ADD3: variants seen among roughly 807,000 people sequenced by gnomAD.
The protein encoded by ADD3 is gamma-adducin.
Under a neutral mutation model 80.2 loss-of-function variants are expected in ADD3, and 25 were observed. The ratio of observed to expected loss-of-function variants is 0.31; its 90% CI spans 0.23 to 0.44. ADD3 has a LOEUF of 0.44. ADD3 is among the 20% of genes least tolerant of loss of function. The pLI is 1.00. For missense variants in ADD3, 829 were observed against 847.5 expected, an observed-to-expected ratio of 0.98 and a Z score of 0.27; for synonymous variants, 284 against 289.6, an observed-to-expected ratio of 0.98 and a Z score of 0.20.
chr10:110,034,222 A>G (rs1371508211), intron 1 of ADD3, among the ~76,000 whole-genome samples: 6 of 152,134 alleles, frequency 3.9e-5, no homozygotes, highest in African/African-American at 1.4e-4. Flanking sequence ...AGTTACAAAT[A>G]TCTCAGCCTA....
intron 2 of ADD3, among the ~76,000 whole-genome samples, chr10:110,101,389 T>C (rs546825042): frequency 2.6e-5 from 4 of 152,260 alleles, no homozygotes; most frequent in African/African-American, 9.6e-5. Context: ...ATCCCAGCAC[T>C]TTGGGAAGCC....
upstream of ADD3, among the ~76,000 whole-genome samples, chr10:110,004,533 T>A (rs1209729227): frequency 5.6e-4 from 85 of 151,714 alleles, no homozygotes; most frequent in Non-Finnish European, 1.1e-3. Context: ...ATGGTCTTGA[T>A]CTCTTGACCT....
chr10:110,062,509 G>C (rs1352942354), intron 1 of ADD3, among the ~76,000 whole-genome samples: 1 of 152,040 alleles, frequency 6.6e-6, no homozygotes, highest in Admixed American at 6.6e-5. Flanking sequence ...GAGCCCAGGA[G>C]GTCAGGGCTG....
At chr10:110,132,033 G>C (rs1019134626) in intron 13 of ADD3, among the ~76,000 whole-genome samples, 13 of 152,138 alleles carry the variant, frequency 8.5e-5, no homozygotes, top group African/African-American at 3.1e-4. Flanking sequence ...AGAGCTACAT[G>C]CAACATATCA....
At chr10:110,027,025 T>A (rs1264200428) in intron 1 of ADD3, among the ~76,000 whole-genome samples, 1 of 152,198 alleles carries the variant, frequency 6.6e-6, no homozygotes, top group Non-Finnish European at 1.5e-5. Flanking sequence ...ATATTTAGAA[T>A]GAAGATCCTA....
intron 2 of ADD3, among the ~76,000 whole-genome samples, chr10:110,102,671 G>C (rs1848957943): frequency 6.6e-6 from 1 of 152,134 alleles, no homozygotes; most frequent in Admixed American, 6.5e-5. Context: ...GTAACTGAAA[G>C]AATGAAGTGA....
intron 1 of ADD3, among the ~76,000 whole-genome samples, chr10:110,080,142 G>A (rs181566187): frequency 7.3e-4 from 111 of 152,246 alleles, no homozygotes; most frequent in Middle Eastern, 3.4e-3. Flanking sequence ...TTCATGGGTC[G>A]GGGTGGGTAA....
intron 1 of ADD3, among the ~76,000 whole-genome samples, chr10:110,054,690 G>T (rs185488748): frequency 8.0e-5 from 12 of 149,982 alleles, no homozygotes; most frequent in Middle Eastern, 3.4e-3. Flanking sequence ...TCCGCTCACT[G>T]CAAGCTCTGC....
intron 12 of ADD3, among the ~76,000 whole-genome samples, chr10:110,128,049 A>ATTTTTTT (rs71486096): frequency 1.1e-3 from 112 of 105,918 alleles, no homozygotes; most frequent in Non-Finnish European, 1.5e-3. Flanking sequence ...TTTGTTTAGG[A>ATTTTTTT]TTTTTTTTTT....
chr10:110,132,530 C>T, intron 14 of ADD3, 130 bp downstream of exon 14: 1 of 595,474 alleles, frequency 1.7e-6, no homozygotes, highest in South Asian at 2.1e-5. Flanking sequence ...TTATATCTCC[C>T]AATAATTACA....
chr10:110,118,973 G>T (rs41291892), intron 6 of ADD3, among the ~76,000 whole-genome samples: 1 of 152,126 alleles, frequency 6.6e-6, no homozygotes, highest in Non-Finnish European at 1.5e-5. Context: ...GAGTTTTTTG[G>T]AGCAAAGCTT....
chr10:110,098,523 C>G (rs1469847958), intron 1 of ADD3, among the ~76,000 whole-genome samples: 1 of 152,158 alleles, frequency 6.6e-6, no homozygotes, highest in African/African-American at 2.4e-5. Flanking sequence ...TTTGCAAAGC[C>G]TTCTATCTAA....
At chr10:110,118,236 A>G (rs1001843362) in intron 5 of ADD3, among the ~76,000 whole-genome samples, 1 of 152,136 alleles carries the variant, frequency 6.6e-6, no homozygotes, top group African/African-American at 2.4e-5. Context: ...AGCAAATAGA[A>G]GTTTTCTAGC....
rs1414152610 is a variant in ADD3 at position 110,128,425 on chromosome 10, A to AT, written c.1608+1930dup. On this transcript the variant is annotated intron_variant, in intron 12 of 14. Transcript: ENST00000356080. ...TTTTTTAATTTATTTTATTTTATTT[A>AT]TTTTTTTTGAGATGGAGTCTCGCAC... Among the ~76,000 whole-genome samples the AT allele has an allele frequency of 2.8e-3, 415 of 149,708 alleles. 3 individuals are homozygous for AT. The highest frequency in any genetic ancestry group is 9.7e-3 in the African/African-American group (398 of 40,832).
chr10:110,045,813 G>T (rs1377168830), intron 1 of ADD3, among the ~76,000 whole-genome samples: 1 of 152,170 alleles, frequency 6.6e-6, no homozygotes, highest in East Asian at 1.9e-4. Context: ...AATCATAGCT[G>T]CATATAATTA....
intron 1 of ADD3, among the ~76,000 whole-genome samples, chr10:110,073,876 G>A (rs1329018245): frequency 2.6e-5 from 4 of 151,806 alleles, no homozygotes; most frequent in Non-Finnish European, 5.9e-5. Flanking sequence ...TCCCACCCCC[G>A]ACTAACATGA....
intron 1 of ADD3, among the ~76,000 whole-genome samples, chr10:110,022,925 G>T (rs533018529): frequency 1.1e-4 from 17 of 152,290 alleles, no homozygotes; most frequent in Non-Finnish European, 2.4e-4. Context: ...TGATATGGGA[G>T]AGGAAGTAGG....
intron 1 of ADD3, among the ~76,000 whole-genome samples, chr10:110,074,844 T>G (rs1426507964): frequency 6.6e-6 from 1 of 152,152 alleles, no homozygotes; most frequent in Non-Finnish European, 1.5e-5. Context: ...GTTAAGCCTC[T>G]GGCACTCAGT....
At chr10:110,017,586 A>G (rs1322213164) in intron 1 of ADD3, among the ~76,000 whole-genome samples, 2 of 152,194 alleles carry the variant, frequency 1.3e-5, no homozygotes, top group Non-Finnish European at 2.9e-5. Flanking sequence ...TTTTGTATGT[A>G]TAATATATAC....
Sources: gnomAD v4.1 joint callset for allele counts (sites outside exome capture counted in the v4.1 genomes callset) on GRCh38, gnomAD v4.1.1 for gene constraint, MANE v1.5 for transcripts, NCBI Gene and HGNC (gene_info 2026-07-23, HGNC 2026-07-21) for gene names.